The following TBCB variants were observed in gnomAD, a reference collection of about 807,000 sequenced individuals.
TBCB encodes tubulin-folding cofactor B.
A neutral mutation model predicts 29.2 loss-of-function variants in TBCB; 18 were observed. The ratio of observed to expected loss-of-function variants is 0.62; its 90% confidence interval spans 0.43 to 0.91. The LOEUF is 0.91. Among genes scored for constraint, TBCB ranks in the 40% least tolerant of loss-of-function variants. TBCB has a pLI of 0.00. For missense variants in TBCB, 336 were observed against 337.6 expected (o/e 1.00, Z 0.04); for synonymous variants, 172 against 137.8 (o/e 1.25, Z -1.74).
At chr19:36,123,923 G>A (rs1974097746) in intron 4 of TBCB, among the ~76,000 whole-genome samples, 1 of 152,078 alleles carries the variant, frequency 6.6e-6, no homozygotes. Flanking sequence ...TCATTTCTCT[G>A]TGCCTAGGAG....
chr19:36,116,169 C>T lies in TBCB; in HGVS notation c.243C>T (p.Asp81=), dbSNP rs749008755. The change falls in exon 2 of 6, where the codon GAC becomes GAT. Residue 81 remains aspartate, a synonymous_variant. Coordinates refer to ENST00000221855, the MANE Select transcript of TBCB (RefSeq NM_001281.3). ...TCCTGGGCTCCTACCCTGTAGATGA[C>T]GGCTGCCGCATCCACGTGAGGACTC... ...DALLGSYPVD[D]GCRIHVIDHS... is the part of the protein sequence containing the mutation. The T allele has an allele frequency of 2.5e-6, 4 of 1,614,012 alleles. No individual in the cohort carries two copies. In the Admixed American group the frequency reaches 5.0e-5, roughly 20 times the overall value.
At chr19:36,115,866 C>A (rs1291518190) in intron 1 of TBCB, 175 bp from the exon 2 acceptor site, 87 of 1,128,842 alleles carry the variant, frequency 7.7e-5, no homozygotes, top group Non-Finnish European at 1.1e-4. Flanking sequence ...AGGGCCGGGT[C>A]CAGCGAAAAA....
chr19:36,121,816 G>C lies in TBCB; in HGVS notation c.547+98G>C, dbSNP rs1028490669. 1.8e-5 allele frequency: 27 copies of C among 1,465,364 alleles called. No individual in the cohort carries two copies. The African/African-American group carries it at 3.4e-4, about 18-fold the overall frequency. 90.8% of individuals were successfully genotyped at this position (1,465,364 alleles called of 1,614,324 possible). A position where few individuals can be genotyped will look rare whatever the true frequency, so the allele number is the denominator to read the frequency against. On this transcript the variant is annotated intron_variant, in intron 4 of 5. Transcript: ENST00000221855. ...AGCCTCGGAGACCACGCTCTGCCTA[G>C]GGGCGCGGGGTTGGGGGGGACTCGA...
At chr19:36,116,336 TAGAC>T in intron 2 of TBCB, 152 bp downstream of exon 2, 2 of 1,047,988 alleles carry the variant, frequency 1.9e-6, no homozygotes, top group Non-Finnish European at 2.7e-6. Flanking sequence ...GACCCATCAT[TAGAC>T]AGGGACAGCC....
intron 3 of TBCB, among the ~76,000 whole-genome samples, chr19:36,121,230 G>A (rs1974044305): frequency 1.3e-5 from 2 of 151,562 alleles, no homozygotes; most frequent in South Asian, 4.1e-4. Context: ...CAGGGCCGGA[G>A]GAGGGCGGAG....
At chr19:36,120,222 C>T (rs1203351292) in intron 2 of TBCB, among the ~76,000 whole-genome samples, 1 of 152,186 alleles carries the variant, frequency 6.6e-6, no homozygotes, top group African/African-American at 2.4e-5. Context: ...CAGAGTGCGT[C>T]TGTGTTTACA....
At position 36,115,503 on chromosome 19, in the gene TBCB, T is replaced by G; in HGVS notation, c.-58T>G. The G allele has an allele frequency of 2.2e-6, 3 of 1,337,560 alleles. No individual in the cohort carries two copies. Among genetic ancestry groups the G allele is most frequent in the Non-Finnish European group, 2.1e-6 (2 of 963,662 alleles). The allele number at this position is 1,337,560 out of a possible 1,614,324, so 82.9% of individuals were successfully genotyped here. A position where few individuals can be genotyped will look rare whatever the true frequency, so the allele number is the denominator to read the frequency against. ...CAGCAGCAGCAGCGGCGGCGGCGGC[T>G]GCGGAGCGGGTGTGAGGCGGCTGGA... On this transcript the variant is annotated 5_prime_UTR_variant, in exon 1 of 6. Coordinates refer to ENST00000221855, the MANE Select transcript of TBCB (RefSeq NM_001281.3).
rs772996074 is a variant in TBCB, at chr19:36,120,811, G to A, written c.355+5G>A. The A allele has an allele frequency of 5.0e-5, 81 of 1,613,730 alleles. No homozygotes were observed. The South Asian group carries it at 8.5e-4, about 17-fold the overall frequency. On this transcript the variant is annotated splice_donor_5th_base_variant and intron_variant, in intron 3 of 5. Coordinates refer to ENST00000221855, the MANE Select transcript of TBCB (RefSeq NM_001281.3). The stretch of plus-strand genomic sequence containing the variant: ...AAGCCTACGACCAGAGGCAAGGTAC[G>A]GGCAGGTGGGCGTCGAGGGGTGCGT...
At chr19:36,115,749 G>C (rs1262239931) in intron 1 of TBCB, 75 bp downstream of exon 1, 2 of 1,317,230 alleles carry the variant, frequency 1.5e-6, no homozygotes, top group African/African-American at 2.9e-5. Flanking sequence ...GAGGCTGGGA[G>C]GGGCCGGGGA....
rs895128582 is a variant in TBCB at position 36,115,524 on chromosome 19, C to A, written c.-37C>A. The stretch of plus-strand genomic sequence containing the variant: ...CGGCTGCGGAGCGGGTGTGAGGCGG[C>A]TGGACCGCGCTGCAGGCATCCGCAG... On this transcript the variant is annotated 5_prime_UTR_variant, in exon 1 of 6. It adds an upstream start codon to the 5' untranslated region. Transcript: ENST00000221855. 1.2e-5 allele frequency: 19 copies of A among 1,522,942 alleles called. No homozygotes were observed. The highest frequency in any genetic ancestry group is 2.0e-4 in the Middle Eastern group (1 of 5,116). The allele number at this position is 1,522,942 out of a possible 1,614,324, so 94.3% of individuals were successfully genotyped here. A position where few individuals can be genotyped will look rare whatever the true frequency, so the allele number is the denominator to read the frequency against.
rs1256073379 is a variant in TBCB, at chr19:36,121,544, C to T, written c.373C>T (p.Leu125=). ...DQRQDTVRSF[L]KRSKLGRYNE... is the part of the protein sequence containing the mutation. The stretch of plus-strand genomic sequence containing the variant: ...GCCCACAGACACGGTCCGCTCTTTC[C>T]TGAAGCGCAGCAAGCTCGGCCGGTA... The change falls in exon 4 of 6, where the codon CTG becomes TTG. Residue 125 remains leucine (L), a synonymous_variant. Transcript: ENST00000221855. 1 of 1,559,926 alleles carries T rather than the reference C, an allele frequency of 6.4e-7. No homozygotes were observed. Among genetic ancestry groups the T allele is most frequent in the Non-Finnish European group, 8.7e-7 (1 of 1,154,152 alleles).
chr19:36,115,224 C>T, upstream of TBCB: 2 of 536,578 alleles, frequency 3.7e-6, no homozygotes, highest in Non-Finnish European at 3.3e-6. Context: ...GCGAGTTTAC[C>T]CTTCGCGGAC....
intron 2 of TBCB, chr19:36,116,387 G>A (rs918841795): frequency 6.8e-6 from 4 of 585,308 alleles, no homozygotes; most frequent in East Asian, 3.3e-5. Context: ...AATCCCAGGG[G>A]ACTGGAGCCA....
chr19:36,120,514 G>A (rs1320399400), intron 2 of TBCB, 196 bp from the exon 3 acceptor site: 4 of 567,824 alleles, frequency 7.0e-6, no homozygotes, highest in Admixed American at 3.1e-5. Flanking sequence ...GCTTGGATGG[G>A]GGTGAGGAAG....
intron 3 of TBCB, 81 bp downstream of exon 3, chr19:36,120,887 G>GC (rs1974036458): frequency 7.3e-7 from 1 of 1,360,544 alleles, no homozygotes; most frequent in African/African-American, 1.4e-5. Context: ...GTTAGACAGG[G>GC]CCCCTGCAGG....
intron 2 of TBCB, among the ~76,000 whole-genome samples, chr19:36,119,698 C>T (rs1276179874): frequency 2.0e-5 from 3 of 152,118 alleles, no homozygotes; most frequent in Non-Finnish European, 4.4e-5. Flanking sequence ...TCTAGACCAG[C>T]CTGACCAGCA....
chr19:36,121,784 A>C, intron 4 of TBCB, 66 bp downstream of exon 4: 2 of 1,539,540 alleles, frequency 1.3e-6, no homozygotes, highest in South Asian at 2.4e-5. Flanking sequence ...TGTTGGGGGC[A>C]CAGTGGAGCC....
Position 36,115,473 on chromosome 19 carries a change from T to G in TBCB, c.-88T>G. On this transcript the variant is annotated 5_prime_UTR_variant, in exon 1 of 6. Coordinates refer to ENST00000221855, the MANE Select transcript of TBCB (RefSeq NM_001281.3). ...GGCACGGAGCAGGAGGCGGGGCTGATAGCCCAGCAGCAGCAGCGGCGGCGG... is the reference window on the plus strand; with the variant it reads ...GGCACGGAGCAGGAGGCGGGGCTGAGAGCCCAGCAGCAGCAGCGGCGGCGG... 1 of 984,328 alleles carries G rather than the reference T, an allele frequency of 1.0e-6. No homozygotes were observed. The highest frequency in any genetic ancestry group is 1.7e-5 in the African/African-American group (1 of 59,114). 61.0% of individuals were successfully genotyped at this position (984,328 alleles called of 1,614,324 possible).
intron 2 of TBCB, chr19:36,118,675 A>G (rs1351049812): frequency 7.1e-6 from 1 of 141,770 alleles, no homozygotes; most frequent in Non-Finnish European, 1.5e-5. Flanking sequence ...GTGAGATCCT[A>G]TCTTTAAAAA....
Sources: allele counts gnomAD v4.1 joint callset (sites outside exome capture counted in the v4.1 genomes callset), GRCh38; gene constraint gnomAD v4.1.1; transcripts MANE v1.5; gene names NCBI Gene and HGNC (gene_info 2026-07-23, HGNC 2026-07-21).